Variants in SLC9A4 observed in about 807,000 individuals in gnomAD.
The protein encoded by SLC9A4 is solute carrier family 9 member A4, also known as sodium/hydrogen exchanger 4.
A neutral mutation model predicts 67.4 loss-of-function variants in SLC9A4; 63 were observed. The ratio of observed to expected loss-of-function variants is 0.93; its 90% CI spans 0.76 to 1.15. The LOEUF (loss-of-function observed/expected upper bound fraction) is 1.15, where lower values mean the gene tolerates loss of function less well. Among genes scored for constraint, SLC9A4 ranks in the 50% most tolerant of loss-of-function variants. The probability of loss-of-function intolerance (pLI) is 0.00; values close to 1 mark genes in which losing one functional copy is unlikely to be tolerated. For synonymous variants in SLC9A4, 393 were observed against 367.2 expected, an observed-to-expected ratio of 1.07 and a Z score of -0.80; for missense variants, 1,089 against 987.7, an observed-to-expected ratio of 1.10 and a Z score of -1.38.
chr2:102,530,651 T>G (rs1489959759), intron 11 of SLC9A4, among the ~76,000 whole-genome samples: 1 of 152,142 alleles, frequency 6.6e-6, no homozygotes, highest in Non-Finnish European at 1.5e-5. Flanking sequence ...GAACAGGGTT[T>G]GGGGGCAGAA....
chr2:102,516,183 G>T (rs749850688), intron 8 of SLC9A4, among the ~76,000 whole-genome samples: 1 of 152,058 alleles, frequency 6.6e-6, no homozygotes, highest in Non-Finnish European at 1.5e-5. Context: ...TTTGGAGTGG[G>T]GGCCTGCCGG....
intron 11 of SLC9A4, among the ~76,000 whole-genome samples, chr2:102,531,069 T>TTC (rs1558676631): frequency 1.4e-5 from 2 of 147,362 alleles, no homozygotes; most frequent in African/African-American, 5.0e-5. Flanking sequence ...ATTCTTTTTT[T>TTC]TTTTTTTTTT....
intron 9 of SLC9A4, among the ~76,000 whole-genome samples, chr2:102,522,815 C>T (rs769550083): frequency 6.6e-6 from 1 of 152,148 alleles, no homozygotes; most frequent in East Asian, 1.9e-4. Flanking sequence ...ATTCATATTT[C>T]AAAATGTCTT....
chr2:102,500,583 A>G (rs1036696355), intron 2 of SLC9A4, among the ~76,000 whole-genome samples: 25 of 152,142 alleles, frequency 1.6e-4, no homozygotes, highest in African/African-American at 5.5e-4. Flanking sequence ...TTCCTAGATG[A>G]GGACTGATGA....
At chr2:102,515,654 G>A (rs1685262797) in intron 8 of SLC9A4, among the ~76,000 whole-genome samples, 1 of 151,788 alleles carries the variant, frequency 6.6e-6, no homozygotes, top group African/African-American at 2.4e-5. Flanking sequence ...TTAAAATGTT[G>A]ATATTATATT....
Position 102,519,891 on chromosome 2 carries a change from C to T in SLC9A4, c.1754C>T (p.Ser585Phe), listed in dbSNP as rs61731274. 9.7e-4 allele frequency: 1,559 copies of T among 1,613,744 alleles called. 25 individuals are homozygous for T. The African/African-American group carries it at 0.019, about 20-fold the overall frequency. ...AGGATACAAGGAATCAAAAGACTTT[C>T]CCCTGAAGATGTGGAGTCCATAAGG... ...AQRIQGIKRL[S>F]PEDVESIRDI... Residue 585 changes from serine to phenylalanine, a missense_variant, in exon 9 of 12, where the codon TCC becomes TTC. By Grantham distance (155) the Ser-to-Phe change is radical. Transcript: ENST00000295269.
At chr2:102,480,275 TC>T (rs1207584533) in intron 2 of SLC9A4, among the ~76,000 whole-genome samples, 1 of 152,150 alleles carries the variant, frequency 6.6e-6, no homozygotes, top group African/African-American at 2.4e-5. Context: ...TCTTTTATCA[TC>T]TATGTGTGTG....
At chr2:102,527,596 T>C (rs778628573) in intron 11 of SLC9A4, among the ~76,000 whole-genome samples, 1 of 152,208 alleles carries the variant, frequency 6.6e-6, no homozygotes, top group Non-Finnish European at 1.5e-5. Flanking sequence ...TATATTTTCC[T>C]AGAAGTAAAA....
intron 7 of SLC9A4, among the ~76,000 whole-genome samples, chr2:102,512,718 T>C (rs1027836441): frequency 6.6e-6 from 1 of 152,150 alleles, no homozygotes; most frequent in African/African-American, 2.4e-5. Context: ...ATAGTAATTC[T>C]TTTTTAAAAT....
intron 2 of SLC9A4, among the ~76,000 whole-genome samples, chr2:102,491,082 A>G (rs1339464716): frequency 6.6e-6 from 1 of 152,174 alleles, no homozygotes; most frequent in East Asian, 1.9e-4. Context: ...AACAAACAAA[A>G]ACTCTCAAAC....
intron 2 of SLC9A4, among the ~76,000 whole-genome samples, chr2:102,500,206 G>A (rs555500659): frequency 9.2e-5 from 14 of 152,280 alleles, no homozygotes; most frequent in African/African-American, 3.1e-4. Context: ...AGGTGAAGAC[G>A]CAGGCAGGGA....
At chr2:102,521,071 T>A (rs1685399304) in intron 9 of SLC9A4, among the ~76,000 whole-genome samples, 1 of 152,198 alleles carries the variant, frequency 6.6e-6, no homozygotes, top group Admixed American at 6.5e-5. Flanking sequence ...GACTATCACA[T>A]CCTGCCTTAG....
chr2:102,473,961 C>A lies in SLC9A4; in HGVS notation c.202C>A (p.Gln68Lys). Residue 68 changes from glutamine (Q) to lysine (K), a missense_variant, in exon 1 of 12, where the codon CAA becomes AAA. Transcript: ENST00000295269. ...TTTTGAACTGGATTATGACTATGTG[C>A]AAATTCCTTATGAGGTCACTCTCTG... ...SVFELDYDYV[Q>K]IPYEVTLWIL... 6.2e-7 allele frequency: 1 copy of A among 1,614,062 alleles called. No individual in the cohort carries two copies. The highest frequency in any genetic ancestry group is 8.5e-7 in the Non-Finnish European group (1 of 1,179,924).
chr2:102,517,904 T>C (rs1298269113), intron 8 of SLC9A4, among the ~76,000 whole-genome samples: 1 of 152,236 alleles, frequency 6.6e-6, no homozygotes, highest in African/African-American at 2.4e-5. Flanking sequence ...TTTTGGTTTA[T>C]AAGTTGACTT....
At chr2:102,474,259 T>G (rs914457810) in intron 1 of SLC9A4, among the ~76,000 whole-genome samples, 3 of 152,186 alleles carry the variant, frequency 2.0e-5, no homozygotes, top group Admixed American at 6.5e-5. Context: ...TTTCTTCTCA[T>G]TTCAGGGTGA....
chr2:102,520,457 C>G (rs1457140064), intron 9 of SLC9A4, among the ~76,000 whole-genome samples: 4 of 152,206 alleles, frequency 2.6e-5, no homozygotes, highest in Non-Finnish European at 5.9e-5. Context: ...GAAATCTCTA[C>G]TAGTCCTTGG....
intron 2 of SLC9A4, among the ~76,000 whole-genome samples, chr2:102,485,915 A>G (rs1684579060): frequency 6.6e-6 from 1 of 152,208 alleles, no homozygotes; most frequent in South Asian, 2.1e-4. Context: ...GCATGGGCAG[A>G]GGGAAGAGTC....
intron 2 of SLC9A4, 29 bp downstream of exon 2, chr2:102,479,331 C>CG (rs1558658649): frequency 6.4e-7 from 1 of 1,574,518 alleles, no homozygotes; most frequent in Non-Finnish European, 8.6e-7. Context: ...GCCCGGCTTC[C>CG]GGGGGAGATG....
At chr2:102,517,136 T>G (rs1380757204) in intron 8 of SLC9A4, among the ~76,000 whole-genome samples, 1 of 152,204 alleles carries the variant, frequency 6.6e-6, no homozygotes, top group Admixed American at 6.5e-5. Flanking sequence ...AGGAGCAGCA[T>G]CATCTCAGCC....
Sources: gnomAD v4.1 joint callset for allele counts (sites outside exome capture counted in the v4.1 genomes callset) on GRCh38, gnomAD v4.1.1 for gene constraint, MANE v1.5 for transcripts, NCBI Gene and HGNC (gene_info 2026-07-23, HGNC 2026-07-21) for gene names.